The following GPD1 variants were observed in gnomAD, a reference collection of about 807,000 sequenced individuals.
GPD1 encodes the protein glycerol-3-phosphate dehydrogenase [NAD(+)], cytoplasmic.
GPD1 carries 19 observed loss-of-function variants against 34.4 expected under a neutral mutation model. That is an observed-to-expected ratio of 0.55 (90% confidence interval 0.39 to 0.81). The LOEUF (loss-of-function observed/expected upper bound fraction) is 0.81, where lower values mean the gene tolerates loss of function less well. GPD1 is among the 30% of genes least tolerant of loss of function. The pLI is 0.00. For missense variants in GPD1, 429 were observed against 447.0 expected, an observed-to-expected ratio of 0.96 and a Z score of 0.36; for synonymous variants, 172 against 174.1, an observed-to-expected ratio of 0.99 and a Z score of 0.09.
Position 50,107,633 on chromosome 12 carries a change from G to A in GPD1, c.679G>A (p.Val227Met). The change falls in exon 6 of 8, where the codon GTG becomes ATG. Residue 227 changes from valine (V) to methionine (M), a missense_variant. Coordinates refer to ENST00000301149, the MANE Select transcript of GPD1 (RefSeq NM_005276.4). The part of the protein sequence containing the change: ...LGFGDNTKAA[V>M]IRLGLMEMIA... The stretch of plus-strand genomic sequence containing the variant: ...CTTTGGCGACAACACCAAGGCGGCA[G>A]TGATCCGGCTGGGACTCATGGAGAT... 6.2e-7 allele frequency: 1 copy of A among 1,614,150 alleles called. No individual in the cohort carries two copies. The highest frequency in any genetic ancestry group is 8.5e-7 in the Non-Finnish European group (1 of 1,180,002).
chr12:50,104,845 C>A, intron 2 of GPD1, 94 bp downstream of exon 2: 1 of 1,026,040 alleles, frequency 9.7e-7, no homozygotes, highest in Non-Finnish European at 1.5e-6. Flanking sequence ...GCTGAGAGGG[C>A]CGCTTCAGGT....
At chr12:50,107,840 T>A in intron 6 of GPD1, 40 bp downstream of exon 6, 1 of 1,431,906 alleles carries the variant, frequency 7.0e-7, no homozygotes, top group Non-Finnish European at 9.9e-7. Context: ...GGCGGCTCTG[T>A]AGGCATCCAG....
rs767554065 is a variant in GPD1, at chr12:50,104,592, G to A, written c.60G>A (p.Lys20=). 36 of 1,613,636 alleles carry A rather than the reference G, an allele frequency of 2.2e-5. 1 individual carries two copies. In the South Asian group the frequency reaches 3.8e-4, roughly 17 times the overall value. ...GSGNWGSAIA[K]IVGGNAAQLA... Reference sequence around the variant, plus strand: ...CCACCAGGGGCTCAGCCATCGCCAAGATCGTGGGTGGCAATGCAGCCCAGC... The same window carrying A: ...CCACCAGGGGCTCAGCCATCGCCAAAATCGTGGGTGGCAATGCAGCCCAGC... The change falls in exon 2 of 8, where the codon AAG becomes AAA. Residue 20 remains lysine (K), a synonymous_variant. Coordinates refer to ENST00000301149, the MANE Select transcript of GPD1 (RefSeq NM_005276.4).
At chr12:50,104,529 A>G (rs765498277) in intron 1 of GPD1, 45 bp from the exon 2 acceptor site, 3 of 1,503,818 alleles carry the variant, frequency 2.0e-6, no homozygotes, top group Middle Eastern at 1.7e-4. Flanking sequence ...AACTCCTGCC[A>G]CTGTTCCCTC....
rs752990984 is a variant in GPD1, at chr12:50,104,613, C to A, written c.81C>A (p.Ala27=). Residue 27 remains alanine (A), a synonymous_variant, in exon 2 of 8, where the codon GCC becomes GCA. Transcript: ENST00000301149. ...CCAAGATCGTGGGTGGCAATGCAGCCCAGCTGGCACAGTTTGACCCACGGG... is the reference window on the plus strand; with the variant it reads ...CCAAGATCGTGGGTGGCAATGCAGCACAGCTGGCACAGTTTGACCCACGGG... The part of the protein sequence containing the change: ...AIAKIVGGNA[A]QLAQFDPRVT... 1 of 1,613,762 alleles carries A rather than the reference C, an allele frequency of 6.2e-7. No individual in the cohort carries two copies. The highest frequency in any genetic ancestry group is 8.5e-7 in the Non-Finnish European group (1 of 1,179,776).
chr12:50,104,474 C>T, intron 1 of GPD1, 100 bp from the exon 2 acceptor site: 1 of 914,842 alleles, frequency 1.1e-6, no homozygotes, highest in Non-Finnish European at 1.8e-6. Context: ...TAGGAGTGAA[C>T]AGCCTGGGGG....
intron 2 of GPD1, chr12:50,104,997 C>G: frequency 1.9e-6 from 1 of 513,776 alleles, no homozygotes; most frequent in South Asian, 2.6e-5. Context: ...CCATGGCAGC[C>G]AAAGACTGGG....
chr12:50,104,213 T>TAGAA, intron 1 of GPD1, 122 bp downstream of exon 1: 14 of 949,686 alleles, frequency 1.5e-5, no homozygotes, highest in Non-Finnish European at 2.4e-5. Context: ...CTATCTTCTA[T>TAGAA]CATAGCAGCA....
intron 1 of GPD1, 180 bp from the exon 2 acceptor site, chr12:50,104,394 G>A (rs1400212569): frequency 5.6e-6 from 4 of 713,906 alleles, no homozygotes; most frequent in Middle Eastern, 2.3e-4. Flanking sequence ...TGAGGAGACT[G>A]AGTCTCCTTT....
rs138161780 is a variant in GPD1 at position 50,106,296 on chromosome 12, C to T, written c.369C>T (p.Asp123=). 4.5e-4 allele frequency: 722 copies of T among 1,610,022 alleles called. No homozygotes were observed. Among genetic ancestry groups the T allele is most frequent in the South Asian group, 1.1e-3 (97 of 90,484 alleles). ...CTCCATCCTGTGCTCAGGGGGTAGA[C>T]GAGGGCCCCAATGGGCTGAAGCTCA... ...ATGISLIKGV[D]EGPNGLKLIS... is the part of the protein sequence containing the mutation. The change falls in exon 4 of 8, where the codon GAC becomes GAT. Residue 123 remains aspartate (D), a synonymous_variant. Transcript: ENST00000301149.
At chr12:50,105,011 C>T (rs1422147554) in intron 2 of GPD1, 1 of 500,640 alleles carries the variant, frequency 2.0e-6, no homozygotes, top group East Asian at 3.4e-5. Flanking sequence ...GACTGGGCTC[C>T]CAGACTTGGG....
chr12:50,107,454 C>A (rs1271534767), intron 5 of GPD1, 113 bp from the exon 6 acceptor site: 2 of 868,824 alleles, frequency 2.3e-6, no homozygotes, highest in Admixed American at 1.7e-5. Flanking sequence ...AGGCCACACA[C>A]TATACCTCTC....
intron 3 of GPD1, 63 bp downstream of exon 3, chr12:50,105,751 G>T: frequency 1.3e-6 from 2 of 1,547,690 alleles, no homozygotes. Flanking sequence ...GGTTCAGGGT[G>T]GGTGAAGCAA....
chr12:50,106,403 A>G lies in GPD1; in HGVS notation c.476A>G (p.Glu159Gly). ...GANIASEVAD[E>G]KFCETTIGCK... ...AACATTGCCAGCGAGGTGGCTGATG[A>G]GAAGTTCTGTGAGACAACCATTGGT... The change falls in exon 4 of 8, where the codon GAG becomes GGG. Residue 159 changes from glutamate to glycine, a missense_variant. Coordinates refer to ENST00000301149, the MANE Select transcript of GPD1 (RefSeq NM_005276.4). The G allele has an allele frequency of 6.2e-7, 1 of 1,613,852 alleles. No individual in the cohort carries two copies. Among genetic ancestry groups the G allele is most frequent in the South Asian group, 1.1e-5 (1 of 91,068 alleles).
Position 50,106,301 on chromosome 12 carries a change from G to A in GPD1, c.374G>A (p.Gly125Asp). 1 of 1,611,238 alleles carries A rather than the reference G, an allele frequency of 6.2e-7. No homozygotes were observed. Among genetic ancestry groups the A allele is most frequent in the East Asian group, 2.2e-5 (1 of 44,842 alleles). ...TCCTGTGCTCAGGGGGTAGACGAGG[G>A]CCCCAATGGGCTGAAGCTCATCTCG... ...GISLIKGVDE[G>D]PNGLKLISEV... Residue 125 changes from glycine (G) to aspartate (D), a missense_variant, in exon 4 of 8, where the codon GGC becomes GAC. Gly to Asp is a moderately conservative substitution (Grantham distance 94, BLOSUM62 -1). Coordinates refer to ENST00000301149, the MANE Select transcript of GPD1 (RefSeq NM_005276.4).
intron 7 of GPD1, among the ~76,000 whole-genome samples, chr12:50,109,178 C>G (rs1951004269): frequency 6.8e-6 from 1 of 146,684 alleles, no homozygotes; most frequent in Non-Finnish European, 1.5e-5. Context: ...CCAGTTGGCA[C>G]AGAAAATCCA....
rs896561709 is a variant in GPD1, at chr12:50,110,896, A to G, written c.*1377A>G. Reference sequence around the variant, plus strand: ...AGGTCAGCAGCCTAGGCCTCCAGCTATAAATAGTCCGGAGGGCCCGAGAGG... The same window carrying G: ...AGGTCAGCAGCCTAGGCCTCCAGCTGTAAATAGTCCGGAGGGCCCGAGAGG... On this transcript the variant is annotated 3_prime_UTR_variant, in exon 8 of 8. Coordinates refer to ENST00000301149, the MANE Select transcript of GPD1 (RefSeq NM_005276.4). The G allele has an allele frequency of 2.0e-5, 3 of 152,790 alleles. No individual in the cohort carries two copies. The highest frequency in any genetic ancestry group is 4.4e-5 in the Non-Finnish European group (3 of 68,160). The allele number at this position is 152,790 out of a possible 1,614,324, so 9.5% of individuals were successfully genotyped here. A position where few individuals can be genotyped will look rare whatever the true frequency, so the allele number is the denominator to read the frequency against.
chr12:50,106,099 G>A, intron 3 of GPD1, 189 bp from the exon 4 acceptor site: 3 of 621,332 alleles, frequency 4.8e-6, no homozygotes, highest in African/African-American at 3.7e-5. Context: ...CTGGTTGAGG[G>A]TATGTGGCAG....
intron 1 of GPD1, 67 bp from the exon 2 acceptor site, chr12:50,104,507 G>A (rs753936080): frequency 8.1e-7 from 1 of 1,240,216 alleles, no homozygotes; most frequent in East Asian, 2.3e-5. Flanking sequence ...TCCTGAGGTG[G>A]GGCGCTGCCC....
Sources: gnomAD v4.1 joint callset for allele counts (sites outside exome capture counted in the v4.1 genomes callset) on GRCh38, gnomAD v4.1.1 for gene constraint, MANE v1.5 for transcripts, NCBI Gene and HGNC (gene_info 2026-07-23, HGNC 2026-07-21) for gene names.